Variants in LRRIQ1 observed in about 807,000 individuals in gnomAD.
LRRIQ1 encodes leucine-rich repeat- and IQ domain-containing protein 1.
LRRIQ1 carries 210 observed loss-of-function variants against 211.9 expected under a neutral mutation model. The ratio of observed to expected loss-of-function variants is 0.99; its 90% CI spans 0.89 to 1.11. The LOEUF is 1.11. Ranked by LOEUF, LRRIQ1 falls within the 50% of genes most tolerant of loss-of-function variation. LRRIQ1 has a pLI of 0.00. For synonymous variants in LRRIQ1, 699 were observed against 650.1 expected (o/e 1.08, Z -1.14); for missense variants, 2,136 against 1,939.5 (o/e 1.10, Z -1.90).
rs1022320199 is a variant in LRRIQ1, at chr12:85,121,783, A to G, written c.3464A>G (p.His1155Arg). 2 of 1,609,580 alleles carry G rather than the reference A, an allele frequency of 1.2e-6. No individual in the cohort carries two copies. Among genetic ancestry groups the G allele is most frequent in the South Asian group, 1.1e-5 (1 of 90,202 alleles). The change falls in exon 16 of 27, where the codon CAC becomes CGC. Residue 1155 changes from histidine to arginine, a missense_variant. Coordinates refer to ENST00000393217, the MANE Select transcript of LRRIQ1 (RefSeq NM_001079910.2). ...NSNSESRTEE[H>R]NQLGSAGFLA... ...AATTCAGAAAGCCGCACTGAAGAAC[A>G]CAATCAACTGGGATCAGCAGGTTTC...
chr12:85,150,841 CA>C (rs1287647439), intron 19 of LRRIQ1, among the ~76,000 whole-genome samples: 1 of 151,322 alleles, frequency 6.6e-6, no homozygotes, highest in Admixed American at 6.6e-5. Context: ...TTTTAATTGA[CA>C]AATAAAAATT....
At chr12:85,247,385 T>C (rs1236014196), downstream of LRRIQ1, among the ~76,000 whole-genome samples, 5 of 151,662 alleles carry the variant, frequency 3.3e-5, no homozygotes, top group Admixed American at 3.3e-4. Context: ...GAGTACTTTG[T>C]GGACTACAGC....
rs1322649527 is a variant in LRRIQ1 at position 85,195,635 on chromosome 12, C to A, written c.4823-33882C>A. 7.3e-5 allele frequency among the ~76,000 whole-genome samples: 11 copies of A among 151,252 alleles called. No individual in the cohort carries two copies. In the East Asian group the frequency reaches 2.1e-3, roughly 30 times the overall value. Reference sequence around the variant, plus strand: ...TGACAAAATTCAACAACCCTTCATGCTAAAAACTCTCAATAAATTAGGTAT... The same window carrying A: ...TGACAAAATTCAACAACCCTTCATGATAAAAACTCTCAATAAATTAGGTAT... On this transcript the variant is annotated intron_variant, in intron 24 of 26. Transcript: ENST00000393217.
At chr12:85,121,074 T>C (rs1333715000) in intron 15 of LRRIQ1, among the ~76,000 whole-genome samples, 3 of 152,164 alleles carry the variant, frequency 2.0e-5, no homozygotes. Context: ...TTCAAGTGAT[T>C]CTCCTGCCTC....
intron 15 of LRRIQ1, among the ~76,000 whole-genome samples, chr12:85,115,597 G>T (rs768042799): frequency 6.6e-6 from 1 of 152,002 alleles, no homozygotes; most frequent in Non-Finnish European, 1.5e-5. Flanking sequence ...ACATTCCCTA[G>T]AATTGTTCCC....
At chr12:85,175,582 T>C (rs1891656941) in intron 24 of LRRIQ1, among the ~76,000 whole-genome samples, 1 of 152,184 alleles carries the variant, frequency 6.6e-6, no homozygotes, top group African/African-American at 2.4e-5. Flanking sequence ...TCCTTTCCCA[T>C]GCCTATGTCC....
At chr12:85,045,594 T>C (rs1002826826) in intron 4 of LRRIQ1, among the ~76,000 whole-genome samples, 3 of 152,092 alleles carry the variant, frequency 2.0e-5, no homozygotes, top group African/African-American at 7.2e-5. Context: ...ATAAATGATG[T>C]ATATATAATT....
chr12:85,247,487 A>G (rs567317035), downstream of LRRIQ1, among the ~76,000 whole-genome samples: 1 of 151,768 alleles, frequency 6.6e-6, no homozygotes, highest in African/African-American at 2.4e-5. Context: ...GGAATCAGAT[A>G]AATTCAGATT....
chr12:85,127,789 A>T (rs1260855258), intron 17 of LRRIQ1, 43 bp from the exon 18 acceptor site: 1 of 1,541,148 alleles, frequency 6.5e-7, no homozygotes, highest in East Asian at 2.2e-5. Flanking sequence ...CTGTATTTAC[A>T]GATAATAAAA....
chr12:85,065,395 T>G lies in LRRIQ1; in HGVS notation c.2525T>G (p.Leu842Arg). ...CACAGCCTGAGTAATTGTAAAAAAC[T>G]TAAGTACATTGATGCACAGGTATGC... is the stretch of plus-strand genomic sequence containing the variant. ...SLHSLSNCKK[L>R]KYIDAQENHI... The change falls in exon 9 of 27, where the codon CTT becomes CGT. Residue 842 changes from leucine (L) to arginine (R), a missense_variant. Transcript: ENST00000393217. The G allele has an allele frequency of 6.2e-7, 1 of 1,609,044 alleles. No homozygotes were observed. The highest frequency in any genetic ancestry group is 8.5e-7 in the Non-Finnish European group (1 of 1,177,080).
At chr12:85,209,292 C>T (rs1465126231) in intron 24 of LRRIQ1, among the ~76,000 whole-genome samples, 1 of 152,144 alleles carries the variant, frequency 6.6e-6, no homozygotes, top group African/African-American at 2.4e-5. Context: ...GAGAAGCAAA[C>T]ACATCCCTCT....
intron 24 of LRRIQ1, among the ~76,000 whole-genome samples, chr12:85,192,876 A>G (rs1184085593): frequency 1.0e-5 from 1 of 98,830 alleles, no homozygotes; most frequent in Non-Finnish European, 1.8e-5. Flanking sequence ...TATTATAATT[A>G]TACATAAATA....
intron 1 of LRRIQ1, among the ~76,000 whole-genome samples, chr12:85,254,097 C>G (rs1239435154): frequency 2.0e-5 from 3 of 151,946 alleles, no homozygotes; most frequent in Admixed American, 2.0e-4. Flanking sequence ...GCACCTACCC[C>G]CTTGCTCTCT....
At chr12:85,065,034 A>G (rs182436882) in intron 8 of LRRIQ1, among the ~76,000 whole-genome samples, 8 of 151,898 alleles carry the variant, frequency 5.3e-5, no homozygotes, top group Admixed American at 2.0e-4. Flanking sequence ...TATGTATCTT[A>G]CCTTTGGACT....
chr12:85,160,145 G>C (rs1368741308), intron 23 of LRRIQ1, among the ~76,000 whole-genome samples: 1 of 151,856 alleles, frequency 6.6e-6, no homozygotes, highest in Non-Finnish European at 1.5e-5. Context: ...GATATGTATA[G>C]TCTGCATTCA....
rs1395259472 is a variant in LRRIQ1, at chr12:85,098,918, A to C, written c.3133A>C (p.Asn1045His). The change falls in exon 13 of 27, where the codon AAC (asparagine) becomes CAC (histidine). Residue 1045 changes from asparagine to histidine, a missense_variant. By Grantham distance (68) the Asn-to-His change is moderately conservative. Transcript: ENST00000393217. ...VLLRELHLDD[N>H]SISTVEAFSS... ...ACTAAGAGAATTGCACTTGGATGAT[A>C]ACAGCATTTCAACTGTGGAAGCATT... 1 of 1,574,604 alleles carries C rather than the reference A, an allele frequency of 6.4e-7. No individual in the cohort carries two copies.
At chr12:85,057,321 T>TA (rs1303482438) in intron 8 of LRRIQ1, 137 bp downstream of exon 8, 1 of 737,582 alleles carries the variant, frequency 1.4e-6, no homozygotes, top group East Asian at 3.2e-5. Context: ...AATGAAATAT[T>TA]ACCCCATTTG....
At chr12:85,115,007 A>G (rs1352449052) in intron 15 of LRRIQ1, among the ~76,000 whole-genome samples, 1 of 152,186 alleles carries the variant, frequency 6.6e-6, no homozygotes, top group African/African-American at 2.4e-5. Context: ...GACAATGCTG[A>G]TGTACTAAAA....
chr12:85,047,049 G>GC (rs1347583904), intron 5 of LRRIQ1, among the ~76,000 whole-genome samples, 198 bp from the exon 6 acceptor site: 4 of 151,904 alleles, frequency 2.6e-5, no homozygotes, highest in Non-Finnish European at 2.9e-5. Flanking sequence ...TATACCTAAT[G>GC]TAAATGATGA....
Sources: allele counts gnomAD v4.1 joint callset (sites outside exome capture counted in the v4.1 genomes callset), GRCh38; gene constraint gnomAD v4.1.1; transcripts MANE v1.5; gene names NCBI Gene and HGNC (gene_info 2026-07-23, HGNC 2026-07-21).